The following AGAP1 variants were observed in gnomAD, a reference collection of about 807,000 sequenced individuals.
AGAP1 encodes the protein arf-GAP with GTPase, ANK repeat and PH domain-containing protein 1.
A neutral mutation model predicts 105.3 loss-of-function variants in AGAP1; 29 were observed. The observed-to-expected ratio is 0.28, with a 90% CI of 0.21 to 0.38. The LOEUF (loss-of-function observed/expected upper bound fraction) is 0.38, where lower values mean the gene tolerates loss of function less well. AGAP1 is among the 10% of genes least tolerant of loss of function. The pLI is 1.00. For synonymous variants in AGAP1, 509 were observed against 485.9 expected (o/e 1.05, Z -0.63); for missense variants, 998 against 1,165.1 (o/e 0.86, Z 2.09).
In AGAP1 at chr2:235,692,690, C is replaced by G. The variant is rs1000576513; in HGVS notation, c.164-16489C>G. ...GCACCTCAGAGAAGCCGATGACTGA[C>G]GTGCACCCCGCCAGCCTCCCTGCTT... On this transcript the variant is annotated intron_variant, in intron 1 of 17. Transcript: ENST00000304032. This position sits in a 1 kb window ranked among gnomAD's most constrained non-coding sequence, Gnocchi z 5.8. 6.6e-6 allele frequency among the ~76,000 whole-genome samples: 1 copy of G among 152,186 alleles called. No individual in the cohort carries two copies. Among genetic ancestry groups the G allele is most frequent in the Admixed American group, 6.5e-5 (1 of 15,284 alleles).
At chr2:235,523,714 G>A (rs1942715006) in intron 1 of AGAP1, among the ~76,000 whole-genome samples, 1 of 152,204 alleles carries the variant, frequency 6.6e-6, no homozygotes. Flanking sequence ...GCGGGGGGTG[G>A]TGGCCAGTGG....
At chr2:235,591,379 G>A (rs1409202592) in intron 1 of AGAP1, among the ~76,000 whole-genome samples, 2 of 152,196 alleles carry the variant, frequency 1.3e-5, no homozygotes, top group Admixed American at 1.3e-4. Flanking sequence ...GAGTGGAGTG[G>A]GAAGCAATGT....
rs980229574 is a variant in AGAP1 at position 236,123,143 on chromosome 2, G to A, written c.2371-776G>A. Among the ~76,000 whole-genome samples, 3 of 152,042 alleles carry A rather than the reference G, an allele frequency of 2.0e-5. No individual in the cohort carries two copies. Among genetic ancestry groups the A allele is most frequent in the Admixed American group, 6.6e-5 (1 of 15,266 alleles). On this transcript the variant is annotated intron_variant, in intron 17 of 17. Coordinates refer to ENST00000304032, the MANE Select transcript of AGAP1 (RefSeq NM_001037131.3). The surrounding 1 kb of genome is among the most constrained non-coding windows in gnomAD (Gnocchi z 4.6). ...GGCTGGAGTGCAGTGGTGTGATGTC[G>A]GCCCACGGCAGCCTCTGCCTCCTAG...
chr2:235,953,691 G>A lies in AGAP1; in HGVS notation c.1484-14771G>A, dbSNP rs142978409. 6.6e-6 allele frequency among the ~76,000 whole-genome samples: 1 copy of A among 152,278 alleles called. No individual in the cohort carries two copies. The highest frequency in any genetic ancestry group is 2.4e-5 in the African/African-American group (1 of 41,566). On this transcript the variant is annotated intron_variant, in intron 12 of 17. Transcript: ENST00000304032. The surrounding 1 kb of genome is among the most constrained non-coding windows in gnomAD (Gnocchi z 5.2). ...CACGCCTGTAATCTCAGTGCTTTGGGAGGCCAAAGCAGAAGGATCACTCAA... is the reference window on the plus strand; with the variant it reads ...CACGCCTGTAATCTCAGTGCTTTGGAAGGCCAAAGCAGAAGGATCACTCAA...
chr2:235,543,919 G>C (rs540854428), intron 1 of AGAP1, among the ~76,000 whole-genome samples: 3 of 152,242 alleles, frequency 2.0e-5, no homozygotes, highest in African/African-American at 7.2e-5. Flanking sequence ...GGTAATATCT[G>C]GTCAAGGGCT....
At chr2:236,107,963 T>C (rs1365235793) in intron 16 of AGAP1, among the ~76,000 whole-genome samples, 1 of 152,252 alleles carries the variant, frequency 6.6e-6, no homozygotes, top group East Asian at 1.9e-4. Context: ...ACTCATAATA[T>C]TGATCAGAAG....
At position 235,981,902 on chromosome 2, in the gene AGAP1, C is replaced by G. The variant is rs1452764130; in HGVS notation, c.1645+13279C>G. On this transcript the variant is annotated intron_variant, in intron 13 of 17. Transcript: ENST00000304032. This position sits in a 1 kb window ranked among gnomAD's most constrained non-coding sequence, Gnocchi z 5.5. ...AGGGGGCGCTTGTCTTTTCAGCGGTCTTGCCTCCGAATCTTGGCTTGTCTA... is the reference window on the plus strand; with the variant it reads ...AGGGGGCGCTTGTCTTTTCAGCGGTGTTGCCTCCGAATCTTGGCTTGTCTA... 1.3e-5 allele frequency among the ~76,000 whole-genome samples: 2 copies of G among 152,204 alleles called. No homozygotes were observed. The highest frequency in any genetic ancestry group is 2.9e-5 in the Non-Finnish European group (2 of 68,032).
rs1224783328 is a variant in AGAP1, at chr2:235,689,415, G to C, written c.164-19764G>C. Among the ~76,000 whole-genome samples the C allele has an allele frequency of 1.3e-5, 2 of 152,248 alleles. No individual in the cohort carries two copies. The highest frequency in any genetic ancestry group is 4.8e-5 in the African/African-American group (2 of 41,460). ...GTTAGTGAGCAGAAAGTAGTGCACT[G>C]ATTATGTTTCCATTACACCATAGAA... On this transcript the variant is annotated intron_variant, in intron 1 of 17. Coordinates refer to ENST00000304032, the MANE Select transcript of AGAP1 (RefSeq NM_001037131.3). The surrounding 1 kb of genome is among the most constrained non-coding windows in gnomAD (Gnocchi z 4.2).
At chr2:235,496,549 C>G (rs1005198050) in intron 1 of AGAP1, among the ~76,000 whole-genome samples, 1 of 152,162 alleles carries the variant, frequency 6.6e-6, no homozygotes, top group Non-Finnish European at 1.5e-5. Flanking sequence ...CCACAGAAGT[C>G]TGATGAAACA....
Position 235,710,108 on chromosome 2 carries a change from G to A in AGAP1, c.222+871G>A, listed in dbSNP as rs989836076. Among the ~76,000 whole-genome samples, 9 of 152,256 alleles carry A rather than the reference G, an allele frequency of 5.9e-5. No homozygotes were observed. In the East Asian group the frequency reaches 1.4e-3, roughly 23 times the overall value. ...GAGCTCTTGCTGTTCTGCAGACTCC[G>A]GCATGGGCCTGCCTAGTGTGTCTGT... On this transcript the variant is annotated intron_variant, in intron 2 of 17. Coordinates refer to ENST00000304032, the MANE Select transcript of AGAP1 (RefSeq NM_001037131.3).
rs1953419959 is a variant in AGAP1 at position 235,751,355 on chromosome 2, G to T, written c.673+867G>T. Among the ~76,000 whole-genome samples, 1 of 152,096 alleles carries T rather than the reference G, an allele frequency of 6.6e-6. No individual in the cohort carries two copies. Among genetic ancestry groups the T allele is most frequent in the African/African-American group, 2.4e-5 (1 of 41,408 alleles). ...ACTTGTAGGGTCCTCTCCCCTTCTG[G>T]TTTAAATCCATGGGGGCAGAGCCAC... On this transcript the variant is annotated intron_variant, in intron 6 of 17. Transcript: ENST00000304032. The surrounding 1 kb of genome is among the most constrained non-coding windows in gnomAD (Gnocchi z 5.3).
intron 6 of AGAP1, chr2:235,783,241 A>AT: frequency 2.5e-6 from 1 of 404,748 alleles, no homozygotes; most frequent in South Asian, 1.9e-5. Flanking sequence ...AGATTTGGGG[A>AT]TTAAAAAAAA....
chr2:236,085,215 CAA>C (rs144353985), intron 16 of AGAP1, among the ~76,000 whole-genome samples: 50 of 58,344 alleles, frequency 8.6e-4, no homozygotes, highest in East Asian at 5.5e-3. Context: ...GACTCCGTCT[CAA>C]AAAAAAAAAA....
In AGAP1 at chr2:235,887,351, C is replaced by T. The variant is rs1210502508; in HGVS notation, c.1155+3902C>T. ...CTGACCACAGCGTGAAGTGGGGCCT[C>T]TCCCTGGTAACACCCTATTGTCTGA... On this transcript the variant is annotated intron_variant, in intron 10 of 17. Coordinates refer to ENST00000304032, the MANE Select transcript of AGAP1 (RefSeq NM_001037131.3). The surrounding 1 kb of genome is among the most constrained non-coding windows in gnomAD (Gnocchi z 4.1). 4.6e-5 allele frequency among the ~76,000 whole-genome samples: 7 copies of T among 152,204 alleles called. No homozygotes were observed. Among genetic ancestry groups the T allele is most frequent in the African/African-American group, 1.2e-4 (5 of 41,462 alleles).
At chr2:236,025,102 A>G (rs961466562) in intron 13 of AGAP1, among the ~76,000 whole-genome samples, 4 of 152,206 alleles carry the variant, frequency 2.6e-5, no homozygotes, top group Non-Finnish European at 5.9e-5. Context: ...CTTTTAATAG[A>G]TATACCATCA....
In AGAP1 at chr2:235,934,482, G is replaced by A. The variant is rs1387963676; in HGVS notation, c.1483+3559G>A. 3.3e-5 allele frequency among the ~76,000 whole-genome samples: 5 copies of A among 152,154 alleles called. No individual in the cohort carries two copies. The highest frequency in any genetic ancestry group is 1.2e-4 in the African/African-American group (5 of 41,426). On this transcript the variant is annotated intron_variant, in intron 12 of 17. Transcript: ENST00000304032. This position sits in a 1 kb window ranked among gnomAD's most constrained non-coding sequence, Gnocchi z 4.9. The stretch of plus-strand genomic sequence containing the variant: ...CGTCAAGTGGCCAGACCCCAGCAAT[G>A]TTTAGTGAACACCAGGGCACAGGAT...
intron 1 of AGAP1, among the ~76,000 whole-genome samples, chr2:235,500,356 C>G (rs192870900): frequency 2.1e-4 from 32 of 152,116 alleles, no homozygotes; most frequent in Non-Finnish European, 3.5e-4. Flanking sequence ...CCATACCTCC[C>G]GAGTTTCTAG....
intron 11 of AGAP1, among the ~76,000 whole-genome samples, chr2:235,912,003 A>G (rs545216994): frequency 5.3e-4 from 80 of 152,356 alleles, no homozygotes; most frequent in Middle Eastern, 3.4e-3. Flanking sequence ...GGGTGAAGTC[A>G]TCAGCTGGTG....
At chr2:235,763,055 T>TGC (rs1337100210) in intron 6 of AGAP1, among the ~76,000 whole-genome samples, 3 of 108,590 alleles carry the variant, frequency 2.8e-5, no homozygotes, top group Non-Finnish European at 4.3e-5. Flanking sequence ...TGTGTGTATG[T>TGC]GTGCGCGCGC....
Sources: allele counts gnomAD v4.1 joint callset (sites outside exome capture counted in the v4.1 genomes callset), GRCh38; gene constraint gnomAD v4.1.1; non-coding constraint Gnocchi (gnomAD v3.1); transcripts MANE v1.5; gene names NCBI Gene and HGNC (gene_info 2026-07-23, HGNC 2026-07-21).